The following GFRA3 variants were observed in gnomAD, a reference collection of about 807,000 sequenced individuals.
The protein encoded by GFRA3 is GDNF family receptor alpha 3, also known as GDNF family receptor alpha-3.
A neutral mutation model predicts 40.0 loss-of-function variants in GFRA3; 24 were observed. The ratio of observed to expected loss-of-function variants is 0.60; its 90% confidence interval spans 0.43 to 0.84. The LOEUF (loss-of-function observed/expected upper bound fraction) is 0.84. Among genes scored for constraint, GFRA3 ranks in the 40% least tolerant of loss-of-function variants. The pLI is 0.00. For synonymous variants in GFRA3, 203 were observed against 213.5 expected, an observed-to-expected ratio of 0.95 and a Z score of 0.43; for missense variants, 405 against 530.6, an observed-to-expected ratio of 0.76 and a Z score of 2.33.
At chr5:138,255,746 A>C (rs1402270167) in intron 4 of GFRA3, among the ~76,000 whole-genome samples, 1 of 152,040 alleles carries the variant, frequency 6.6e-6, no homozygotes, top group Non-Finnish European at 1.5e-5. Flanking sequence ...TAAAAATACA[A>C]AAATTAGCTG....
chr5:138,274,561 C>T lies in GFRA3; in HGVS notation c.-137G>A. 1 of 1,227,514 alleles carries T rather than the reference C, an allele frequency of 8.1e-7. No individual in the cohort carries two copies. Among genetic ancestry groups the T allele is most frequent in the Non-Finnish European group, 1.0e-6 (1 of 985,546 alleles). The allele number at this position is 1,227,514 out of a possible 1,614,324, so 76.0% of individuals were successfully genotyped here. On this transcript the variant is annotated 5_prime_UTR_variant, in exon 1 of 8. Coordinates refer to ENST00000274721, the MANE Select transcript of GFRA3 (RefSeq NM_001496.4). ...ACGCACACACTCTCCCACCAGGGTC[C>T]TGGGCGCCGCCCTCCAACTCCGAAG... is the stretch of plus-strand genomic sequence containing the variant.
intron 1 of GFRA3, among the ~76,000 whole-genome samples, chr5:138,272,205 A>G (rs1271722168): frequency 6.7e-6 from 1 of 149,712 alleles, no homozygotes; most frequent in Non-Finnish European, 1.5e-5. Context: ...ACGGGGATTC[A>G]CTGTGTTAGC....
chr5:138,257,041 T>G (rs1581507746), intron 4 of GFRA3, among the ~76,000 whole-genome samples: 1 of 151,950 alleles, frequency 6.6e-6, no homozygotes, highest in Non-Finnish European at 1.5e-5. Context: ...TCTACACCAC[T>G]CTACATAAAT....
At chr5:138,259,110 G>A (rs1051627129) in intron 3 of GFRA3, among the ~76,000 whole-genome samples, 4 of 151,980 alleles carry the variant, frequency 2.6e-5, no homozygotes, top group African/African-American at 9.7e-5. Context: ...GAGTCACCCC[G>A]TGCAGAGTCA....
At chr5:138,254,188 T>A in intron 4 of GFRA3, 28 bp from the exon 5 acceptor site, 23 of 278,962 alleles carry the variant, frequency 8.2e-5, no homozygotes, top group Non-Finnish European at 1.3e-4. Flanking sequence ...TCTGTCTTTC[T>A]TTTTTTTTTT....
chr5:138,264,960 T>C (rs990799889), intron 1 of GFRA3, among the ~76,000 whole-genome samples: 1 of 151,992 alleles, frequency 6.6e-6, no homozygotes, highest in African/African-American at 2.4e-5. Flanking sequence ...GAGTCAGCAA[T>C]AACTTTGAGT....
At chr5:138,271,533 T>C (rs2126621872) in intron 1 of GFRA3, among the ~76,000 whole-genome samples, 1 of 152,262 alleles carries the variant, frequency 6.6e-6, no homozygotes, top group Middle Eastern at 3.4e-3. Context: ...AAATGTGTCT[T>C]TTTTAGTCAG....
At chr5:138,265,034 C>T (rs969059054) in intron 1 of GFRA3, among the ~76,000 whole-genome samples, 8 of 151,930 alleles carry the variant, frequency 5.3e-5, no homozygotes, top group Admixed American at 1.3e-4. Flanking sequence ...GGGTAGAGAG[C>T]TAATTCCAAA....
chr5:138,272,814 T>G (rs1331472996), intron 1 of GFRA3, among the ~76,000 whole-genome samples: 2 of 152,242 alleles, frequency 1.3e-5, no homozygotes, highest in Middle Eastern at 3.4e-3. Flanking sequence ...CCCCACCTCC[T>G]CATTTATACA....
chr5:138,268,666 A>G (rs910509723), intron 1 of GFRA3, among the ~76,000 whole-genome samples: 1 of 152,174 alleles, frequency 6.6e-6, no homozygotes, highest in Non-Finnish European at 1.5e-5. Flanking sequence ...CGAGGTGGGC[A>G]GATCACAAGG....
At chr5:138,261,647 T>TG (rs1755711678) in intron 2 of GFRA3, among the ~76,000 whole-genome samples, 1 of 120,930 alleles carries the variant, frequency 8.3e-6, no homozygotes, top group Non-Finnish European at 1.6e-5. Context: ...TGAGCCAATA[T>TG]CACGCCACTG....
chr5:138,274,582 C>T lies in GFRA3; in HGVS notation c.-158G>A. On this transcript the variant is annotated 5_prime_UTR_variant, in exon 1 of 8. Coordinates refer to ENST00000274721, the MANE Select transcript of GFRA3 (RefSeq NM_001496.4). ...GGTCCTGGGCGCCGCCCTCCAACTC[C>T]GAAGCGCGCGTCCACACCACGCGCC... 8.2e-7 allele frequency: 1 copy of T among 1,226,694 alleles called. No individual in the cohort carries two copies. Among genetic ancestry groups the T allele is most frequent in the East Asian group, 3.2e-5 (1 of 31,432 alleles). 76.0% of individuals were successfully genotyped at this position (1,226,694 alleles called of 1,614,324 possible). A position where few individuals can be genotyped will look rare whatever the true frequency, so the allele number is the denominator to read the frequency against.
Position 138,264,403 on chromosome 5 carries a change from C to T in GFRA3, c.237G>A (p.Glu79=). The part of the protein sequence containing the change: ...SSISTPLPSE[E]PSVPADCLEA... ...CCAGGCAGTCAGCAGGGACCGAAGG[C>T]TCCTCTGAGGGCAGTGGGGTGCTTA... Residue 79 remains glutamate, a synonymous_variant, in exon 2 of 8, where the codon GAG becomes GAA. Coordinates refer to ENST00000274721, the MANE Select transcript of GFRA3 (RefSeq NM_001496.4). 1 of 1,614,158 alleles carries T rather than the reference C, an allele frequency of 6.2e-7. No individual in the cohort carries two copies. The highest frequency in any genetic ancestry group is 1.3e-5 in the African/African-American group (1 of 75,048).
intron 4 of GFRA3, among the ~76,000 whole-genome samples, chr5:138,256,539 A>AT (rs1755631995): frequency 6.8e-6 from 1 of 146,818 alleles, no homozygotes; most frequent in Non-Finnish European, 1.5e-5. Context: ...AAAAAAACAA[A>AT]CAAAAAAAAA....
intron 2 of GFRA3, among the ~76,000 whole-genome samples, chr5:138,260,125 C>T (rs76952875): frequency 2.0e-5 from 3 of 152,198 alleles, no homozygotes; most frequent in East Asian, 3.9e-4. Context: ...TACGTCCCCA[C>T]CTGTTGCCAT....
At chr5:138,272,193 C>T (rs956767473) in intron 1 of GFRA3, among the ~76,000 whole-genome samples, 1 of 150,106 alleles carries the variant, frequency 6.7e-6, no homozygotes, top group African/African-American at 2.5e-5. Context: ...TTTTTAGTAG[C>T]GACGGGGATT....
At position 138,257,862 on chromosome 5, in the gene GFRA3, C is replaced by A. The variant is rs145404632; in HGVS notation, c.562G>T (p.Gly188Trp). 4 of 1,613,894 alleles carry A rather than the reference C, an allele frequency of 2.5e-6. No individual in the cohort carries two copies. Among genetic ancestry groups the A allele is most frequent in the Non-Finnish European group, 3.4e-6 (4 of 1,179,916 alleles). Residue 188 changes from glycine to tryptophan, a missense_variant, in exon 4 of 8, where the codon GGG becomes TGG. Transcript: ENST00000274721. ...CAGACGTGGCGCTGGCAGTGGGGCC[C>A]GGAGCACGCCTCCCCGTAGGCCTTG... ...LRKAYGEACS[G>W]PHCQRHVCLR...
At chr5:138,253,966 C>A (rs1216269126) in intron 5 of GFRA3, 66 bp from the exon 6 acceptor site, 11 of 1,585,312 alleles carry the variant, frequency 6.9e-6, no homozygotes. Flanking sequence ...CCTTCTTCCA[C>A]CCATGTCAGG....
chr5:138,269,844 CAA>C (rs71585112), intron 1 of GFRA3, among the ~76,000 whole-genome samples: 42 of 79,986 alleles, frequency 5.3e-4, no homozygotes, highest in Non-Finnish European at 5.8e-4. Flanking sequence ...GACTCCATCT[CAA>C]AAAAAAAAAA....
Sources: allele counts gnomAD v4.1 joint callset (sites outside exome capture counted in the v4.1 genomes callset), GRCh38; gene constraint gnomAD v4.1.1; transcripts MANE v1.5; gene names NCBI Gene and HGNC (gene_info 2026-07-23, HGNC 2026-07-21).